ARVCF: variants seen among roughly 807,000 people sequenced by gnomAD.
ARVCF encodes ARVCF delta catenin family member, also known as splicing regulator ARVCF.
A neutral mutation model predicts 90.9 loss-of-function variants in ARVCF; 66 were observed. The observed-to-expected ratio is 0.73, with a 90% CI of 0.60 to 0.89. ARVCF has a LOEUF of 0.89. Among genes scored for constraint, ARVCF ranks in the 40% least tolerant of loss-of-function variants. ARVCF has a pLI of 0.00. For missense variants in ARVCF, 1,469 were observed against 1,382.3 expected (o/e 1.06, Z -1.00); for synonymous variants, 653 against 603.4 (o/e 1.08, Z -1.21).
In ARVCF at chr22:19,980,095, G is replaced by C. The variant is rs755715810; in HGVS notation, c.1044C>G (p.Ser348Arg). The C allele has an allele frequency of 2.5e-6, 4 of 1,584,056 alleles. No individual in the cohort carries two copies. The East Asian group carries it at 6.9e-5, about 27-fold the overall frequency. The change falls in exon 6 of 20, where the codon AGC (serine) becomes AGG (arginine). Residue 348 changes from serine to arginine, a missense_variant. Coordinates refer to ENST00000263207, the MANE Select transcript of ARVCF (RefSeq NM_001670.3). ...CCCGCCAGCGCGGCTCCTTGCGGGC[G>C]CTATCCACTGAGGGCGAGCGCCGCA... ...RLVRRSPSVDSARKEPRWRDP... is the reference protein window; with the variant it reads ...RLVRRSPSVDRARKEPRWRDP...
intron 18 of ARVCF, 31 bp from the exon 19 acceptor site, chr22:19,971,366 A>T: frequency 6.5e-7 from 1 of 1,542,008 alleles, no homozygotes; most frequent in Non-Finnish European, 8.7e-7. Context: ...TTAGAGGCAC[A>T]ATAGAGCAGG....
chr22:19,977,876 T>A (rs1008776765), intron 8 of ARVCF, 82 bp downstream of exon 8: 17 of 1,450,404 alleles, frequency 1.2e-5, no homozygotes, highest in African/African-American at 4.2e-5. Flanking sequence ...TCCCCTGTGC[T>A]GCTCCCACAG....
chr22:19,973,661 G>A lies in ARVCF; in HGVS notation c.2221C>T (p.Arg741Cys). ...IALRNLSLDR[R>C]NKDLIGSYAM... is the part of the protein sequence containing the mutation. Reference sequence around the variant, plus strand: ...TCCTCACCGATGAGGTCTTTGTTGCGCCGGTCCAGCGAGAGGTTGCGCAGA... The same window carrying A: ...TCCTCACCGATGAGGTCTTTGTTGCACCGGTCCAGCGAGAGGTTGCGCAGA... The change falls in exon 13 of 20, where the codon CGC becomes TGC. Residue 741 changes from arginine (R) to cysteine (C), a missense_variant. By Grantham distance (180) the Arg-to-Cys change is radical (BLOSUM62 -3). Transcript: ENST00000263207. 6.2e-7 allele frequency: 1 copy of A among 1,609,372 alleles called. No individual in the cohort carries two copies.
At chr22:19,987,366 C>T (rs899210052) in intron 3 of ARVCF, among the ~76,000 whole-genome samples, 3 of 133,698 alleles carry the variant, frequency 2.2e-5, no homozygotes, top group Non-Finnish European at 4.8e-5. Flanking sequence ...CCCCGGGTCG[C>T]CCCCTGTCCC....
chr22:19,987,832 T>A (rs918135716), intron 3 of ARVCF, among the ~76,000 whole-genome samples: 3 of 152,016 alleles, frequency 2.0e-5, no homozygotes, highest in Non-Finnish European at 2.9e-5. Context: ...GTTCTCCCCA[T>A]CGAGGCACAG....
rs1057352315 is a variant in ARVCF, at chr22:19,970,696, CCTT to C, written c.*57_*59del. ...CACGGCACGATCTGCTCAGGGTGGC[CCTT>C]CTTCCACGATCCAAGCCCTAAGAAC... On this transcript the variant is annotated 3_prime_UTR_variant, in exon 20 of 20. Coordinates refer to ENST00000263207, the MANE Select transcript of ARVCF (RefSeq NM_001670.3). 4 of 1,289,310 alleles carry C rather than the reference CCTT, an allele frequency of 3.1e-6. No homozygotes were observed. The African/African-American group carries it at 6.1e-5, about 20-fold the overall frequency. 79.9% of individuals were successfully genotyped at this position (1,289,310 alleles called of 1,614,324 possible).
chr22:19,978,116 G>C (rs368103568), intron 7 of ARVCF, 41 bp from the exon 8 acceptor site: 315 of 1,546,140 alleles, frequency 2.0e-4, no homozygotes, highest in Admixed American at 3.0e-4. Context: ...CTGGCTACCA[G>C]AAACTCCCTG....
chr22:19,999,847 C>T (rs760499637), intron 2 of ARVCF, among the ~76,000 whole-genome samples: 29 of 152,116 alleles, frequency 1.9e-4, no homozygotes, highest in Non-Finnish European at 4.0e-4. Flanking sequence ...CACCTTCAGC[C>T]TGTGAAGCCG....
At chr22:20,001,325 C>A (rs893497462) in intron 2 of ARVCF, among the ~76,000 whole-genome samples, 2 of 152,168 alleles carry the variant, frequency 1.3e-5, no homozygotes, top group African/African-American at 2.4e-5. Flanking sequence ...CTTGCACAGA[C>A]CCACCTGCAG....
At chr22:19,972,440 C>T (rs763364178) in intron 16 of ARVCF, 29 bp from the exon 17 acceptor site, 3 of 1,612,936 alleles carry the variant, frequency 1.9e-6, no homozygotes, top group Non-Finnish European at 1.7e-6. Context: ...AGACGGGCTG[C>T]ATGTGGCAGC....
At chr22:20,015,388 G>T (rs1945012984) in intron 1 of ARVCF, among the ~76,000 whole-genome samples, 1 of 152,132 alleles carries the variant, frequency 6.6e-6, no homozygotes, top group Admixed American at 6.5e-5. Flanking sequence ...CTGATCTAAG[G>T]CCTGGATCAC....
chr22:19,980,583 T>A, intron 5 of ARVCF: 1 of 277,622 alleles, frequency 3.6e-6, no homozygotes, highest in Non-Finnish European at 6.7e-6. Context: ...GGAGAGACCG[T>A]CTCACCTCCC....
rs76973306 is a variant in ARVCF, at chr22:19,976,926, G to A, written c.1871-203C>T. ...AAGAGGGAGGCCTGGGGTCAGTGGG[G>A]CAGGGGCAGGTGGCGTACAGGTCCC... On this transcript the variant is annotated intron_variant, in intron 9 of 19. Coordinates refer to ENST00000263207, the MANE Select transcript of ARVCF (RefSeq NM_001670.3). 6.7e-3 allele frequency among the ~76,000 whole-genome samples: 1,016 copies of A among 152,302 alleles called. 5 individuals carry two copies. The highest frequency in any genetic ancestry group is 0.017 in the Middle Eastern group (5 of 294).
chr22:19,972,592 A>G, intron 16 of ARVCF, 145 bp downstream of exon 16: 1 of 1,142,248 alleles, frequency 8.8e-7, no homozygotes, highest in Non-Finnish European at 1.2e-6. Context: ...GGAAGGGAGT[A>G]GCCAAGAGGC....
intron 10 of ARVCF, among the ~76,000 whole-genome samples, chr22:19,976,262 C>T (rs191386207): frequency 1.2e-4 from 18 of 152,284 alleles, no homozygotes; most frequent in African/African-American, 4.3e-4. Context: ...TTTGTGTAGC[C>T]CTGGCTTGCA....
chr22:19,971,822 T>A, intron 18 of ARVCF, 64 bp downstream of exon 18: 1 of 1,572,000 alleles, frequency 6.4e-7, no homozygotes, highest in Non-Finnish European at 8.7e-7. Flanking sequence ...CCTAGGCTGC[T>A]CTCCAGCAAC....
downstream of ARVCF, chr22:19,967,457 G>C: frequency 2.2e-6 from 1 of 462,620 alleles, no homozygotes; most frequent in South Asian, 1.6e-5. Flanking sequence ...CTCAACTCCG[G>C]ACCTTGGGGC....
intron 3 of ARVCF, 55 bp from the exon 4 acceptor site, chr22:19,982,146 T>G: frequency 6.3e-7 from 1 of 1,590,482 alleles, no homozygotes; most frequent in East Asian, 2.2e-5. Context: ...ACCCCTGGAG[T>G]GCAGGTCTCC....
At chr22:19,979,566 C>T in intron 6 of ARVCF, 177 bp downstream of exon 6, 2 of 975,570 alleles carry the variant, frequency 2.1e-6, no homozygotes, top group East Asian at 2.7e-5. Context: ...GACTGGGGAA[C>T]CTGTCACAGT....
Sources: gnomAD v4.1 joint callset for allele counts (sites outside exome capture counted in the v4.1 genomes callset) on GRCh38, gnomAD v4.1.1 for gene constraint, MANE v1.5 for transcripts, NCBI Gene and HGNC (gene_info 2026-07-23, HGNC 2026-07-21) for gene names.